Variants in MAGI2 observed in about 807,000 individuals in gnomAD.
MAGI2 encodes the protein membrane-associated guanylate kinase, WW and PDZ domain-containing protein 2.
Under a neutral mutation model 133.3 loss-of-function variants are expected in MAGI2, and 35 were observed. The observed-to-expected ratio is 0.26, with a 90% CI of 0.20 to 0.35. The LOEUF (loss-of-function observed/expected upper bound fraction) is 0.35, where lower values mean the gene tolerates loss of function less well. Among genes scored for constraint, MAGI2 ranks in the 10% least tolerant of loss-of-function variants. The pLI, the probability that MAGI2 is intolerant of heterozygous loss-of-function variation, is 1.00. For synonymous variants in MAGI2, 729 were observed against 710.6 expected (o/e 1.03, Z -0.41); for missense variants, 1,636 against 1,863.4 (o/e 0.88, Z 2.25).
At chr7:78,726,393 C>T (rs1417495341) in intron 2 of MAGI2, among the ~76,000 whole-genome samples, 4 of 152,152 alleles carry the variant, frequency 2.6e-5, no homozygotes, top group Non-Finnish European at 5.9e-5. Flanking sequence ...TTTGTCTCCA[C>T]CTTGTTTGAG....
intron 10 of MAGI2, among the ~76,000 whole-genome samples, chr7:78,215,684 T>C (rs1183140782): frequency 6.6e-6 from 1 of 152,136 alleles, no homozygotes; most frequent in Non-Finnish European, 1.5e-5. Context: ...GAAATCATCT[T>C]TATTGATTAG....
intron 7 of MAGI2, among the ~76,000 whole-genome samples, chr7:78,363,447 C>G (rs6466168): frequency 0.21 from 31,478 of 151,346 alleles, 3,864 homozygotes; most frequent in East Asian, 0.46. Flanking sequence ...GAGCTGAGAT[C>G]GCGCCACTGC....
intron 4 of MAGI2, among the ~76,000 whole-genome samples, chr7:78,507,120 T>C (rs1419253454): frequency 1.3e-5 from 2 of 152,182 alleles, no homozygotes; most frequent in Non-Finnish European, 2.9e-5. Context: ...GGGGAGATTA[T>C]AGACCTTTTT....
intron 2 of MAGI2, among the ~76,000 whole-genome samples, chr7:78,998,495 C>G (rs1415425110): frequency 6.6e-6 from 1 of 152,092 alleles, no homozygotes; most frequent in African/African-American, 2.4e-5. Context: ...GTTCTAGAAC[C>G]AATGGCTTCC....
intron 10 of MAGI2, among the ~76,000 whole-genome samples, chr7:78,235,749 TA>T (rs1266460498): frequency 7.4e-6 from 1 of 135,436 alleles, no homozygotes; most frequent in Non-Finnish European, 1.7e-5. Context: ...ACTAATACTC[TA>T]TTTTTTTTAC....
At chr7:79,097,769 A>G (rs1584922580) in intron 1 of MAGI2, among the ~76,000 whole-genome samples, 1 of 152,304 alleles carries the variant, frequency 6.6e-6, no homozygotes, top group East Asian at 1.9e-4. Context: ...CAGGTTTGGG[A>G]CATTTTATCT....
At chr7:79,045,625 T>C (rs181003465) in intron 1 of MAGI2, among the ~76,000 whole-genome samples, 125 of 152,228 alleles carry the variant, frequency 8.2e-4, no homozygotes, top group African/African-American at 2.7e-3. Flanking sequence ...ACCCCATCTC[T>C]ACTAAAAATA....
intron 1 of MAGI2, among the ~76,000 whole-genome samples, chr7:79,376,299 A>G (rs1843376706): frequency 6.6e-6 from 1 of 151,942 alleles, no homozygotes; most frequent in East Asian, 1.9e-4. Context: ...TAGAACAATT[A>G]TAACAATACA....
chr7:78,178,166 A>G, intron 13 of MAGI2, 64 bp from the exon 14 acceptor site: 1 of 986,306 alleles, frequency 1.0e-6, no homozygotes, highest in Non-Finnish European at 1.6e-6. Flanking sequence ...TGAGGAACTG[A>G]ACATACCAAT....
intron 1 of MAGI2, among the ~76,000 whole-genome samples, chr7:79,215,821 G>A (rs930375317): frequency 3.9e-5 from 6 of 151,914 alleles, no homozygotes; most frequent in Non-Finnish European, 8.8e-5. Flanking sequence ...GTCACAGGCA[G>A]GACCTTAACT....
At chr7:79,086,711 T>G (rs1049577521) in intron 1 of MAGI2, among the ~76,000 whole-genome samples, 1 of 151,840 alleles carries the variant, frequency 6.6e-6, no homozygotes, top group Non-Finnish European at 1.5e-5. Context: ...GTGAACAAAA[T>G]GAAAAAATCT....
At chr7:78,239,649 T>C (rs1466110745) in intron 10 of MAGI2, among the ~76,000 whole-genome samples, 1 of 152,278 alleles carries the variant, frequency 6.6e-6, no homozygotes, top group South Asian at 2.1e-4. Flanking sequence ...AACAAGTATA[T>C]GGAAATTGCT....
At chr7:78,440,474 G>A (rs1787506478) in intron 6 of MAGI2, among the ~76,000 whole-genome samples, 1 of 152,136 alleles carries the variant, frequency 6.6e-6, no homozygotes, top group African/African-American at 2.4e-5. Flanking sequence ...GAGACACCGT[G>A]AAGGCAAAAT....
At chr7:78,258,596 G>C (rs961332902) in intron 9 of MAGI2, among the ~76,000 whole-genome samples, 1 of 151,624 alleles carries the variant, frequency 6.6e-6, no homozygotes, top group Non-Finnish European at 1.5e-5. Context: ...TCATATCTAG[G>C]TGTCCGTAAA....
At chr7:78,192,956 A>C (rs1445958842) in intron 12 of MAGI2, among the ~76,000 whole-genome samples, 1 of 152,144 alleles carries the variant, frequency 6.6e-6, no homozygotes, top group Non-Finnish European at 1.5e-5. Context: ...AGGGCGATGA[A>C]GAGCTACCAG....
chr7:78,668,653 C>T (rs903852241), intron 2 of MAGI2, among the ~76,000 whole-genome samples: 1 of 151,978 alleles, frequency 6.6e-6, no homozygotes, highest in Non-Finnish European at 1.5e-5. Context: ...AATAGAGAAT[C>T]CTTTCCCCAT....
At chr7:78,149,323 G>A (rs1403677564) in intron 16 of MAGI2, among the ~76,000 whole-genome samples, 1 of 152,176 alleles carries the variant, frequency 6.6e-6, no homozygotes. Flanking sequence ...TATCTGGAAA[G>A]CATGTTTGGG....
chr7:78,357,328 A>T (rs770633339), intron 7 of MAGI2, among the ~76,000 whole-genome samples: 2 of 152,170 alleles, frequency 1.3e-5, no homozygotes, highest in Non-Finnish European at 2.9e-5. Context: ...AATACATACC[A>T]AGTGCTTAAT....
intron 1 of MAGI2, among the ~76,000 whole-genome samples, chr7:79,252,492 G>A (rs1455738564): frequency 6.6e-6 from 1 of 151,992 alleles, no homozygotes; most frequent in Non-Finnish European, 1.5e-5. Context: ...ATGGTTAATG[G>A]GTACAAAAAT....
Sources: allele counts gnomAD v4.1 joint callset (sites outside exome capture counted in the v4.1 genomes callset), GRCh38; gene constraint gnomAD v4.1.1; transcripts MANE v1.5; gene names NCBI Gene and HGNC (gene_info 2026-07-23, HGNC 2026-07-21).